PRKG1: variants seen among roughly 807,000 people sequenced by gnomAD.
PRKG1 encodes the protein protein kinase cGMP-dependent 1.
PRKG1 carries 35 observed loss-of-function variants against 88.1 expected under a neutral mutation model. The ratio of observed to expected loss-of-function variants is 0.40; its 90% CI spans 0.30 to 0.53. The LOEUF is 0.53. Among genes scored for constraint, PRKG1 ranks in the 20% least tolerant of loss-of-function variants. The probability of loss-of-function intolerance (pLI) is 0.59; values close to 1 mark genes in which losing one functional copy is unlikely to be tolerated. For synonymous variants in PRKG1, 303 were observed against 292.5 expected, an observed-to-expected ratio of 1.04 and a Z score of -0.37; for missense variants, 540 against 839.8, an observed-to-expected ratio of 0.64 and a Z score of 4.41.
intron 7 of PRKG1, among the ~76,000 whole-genome samples, chr10:52,132,041 C>T (rs1331491965): frequency 3.3e-5 from 5 of 151,490 alleles, no homozygotes; most frequent in African/African-American, 9.7e-5. Context: ...AGGAAAGTTA[C>T]TCATAAGAAA....
At chr10:51,587,303 G>A (rs1455470569) in intron 3 of PRKG1, among the ~76,000 whole-genome samples, 2 of 152,106 alleles carry the variant, frequency 1.3e-5, no homozygotes, top group Non-Finnish European at 2.9e-5. Context: ...TTCCTAAAGC[G>A]AAGCTGTAAT....
intron 1 of PRKG1, among the ~76,000 whole-genome samples, chr10:51,081,542 A>C (rs1844111244): frequency 6.6e-6 from 1 of 152,170 alleles, no homozygotes; most frequent in South Asian, 2.1e-4. Flanking sequence ...ATGCTCCTTA[A>C]TTTGACATCA....
intron 4 of PRKG1, among the ~76,000 whole-genome samples, chr10:51,890,549 A>C (rs1415583643): frequency 6.6e-6 from 1 of 152,254 alleles, no homozygotes; most frequent in Non-Finnish European, 1.5e-5. Flanking sequence ...TATGATAGTT[A>C]AAGAGATATA....
chr10:51,135,872 G>A (rs1199539690), intron 1 of PRKG1, among the ~76,000 whole-genome samples: 1 of 148,500 alleles, frequency 6.7e-6, no homozygotes, highest in Non-Finnish European at 1.5e-5. Flanking sequence ...GATAGATGAA[G>A]GTATCCTAAC....
intron 3 of PRKG1, among the ~76,000 whole-genome samples, chr10:51,477,372 G>A (rs543180840): frequency 6.6e-6 from 1 of 150,928 alleles, no homozygotes; most frequent in East Asian, 1.9e-4. Flanking sequence ...AATTATTCTC[G>A]ACTCTCATGG....
chr10:52,122,312 A>G (rs187914666), intron 7 of PRKG1, among the ~76,000 whole-genome samples: 28 of 152,298 alleles, frequency 1.8e-4, no homozygotes, highest in Admixed American at 5.2e-4. Context: ...AATTGACCTA[A>G]TTACCTCTTA....
intron 7 of PRKG1, among the ~76,000 whole-genome samples, chr10:52,078,727 T>A (rs1310014752): frequency 1.3e-5 from 2 of 152,248 alleles, no homozygotes; most frequent in Non-Finnish European, 1.5e-5. Flanking sequence ...TAAAGCAGAG[T>A]GAGTCATTAC....
chr10:51,562,122 G>A, intron 3 of PRKG1, among the ~76,000 whole-genome samples: 1 of 151,908 alleles, frequency 6.6e-6, no homozygotes, highest in East Asian at 1.9e-4. Flanking sequence ...TACTCAGGAG[G>A]CTGAGGCAGG....
At chr10:51,143,741 G>A (rs904853170) in intron 1 of PRKG1, among the ~76,000 whole-genome samples, 7 of 151,900 alleles carry the variant, frequency 4.6e-5, no homozygotes, top group Admixed American at 3.9e-4. Context: ...CATTTTTTAT[G>A]TACTCATTGG....
chr10:51,334,356 C>T (rs917410160), intron 2 of PRKG1, among the ~76,000 whole-genome samples: 2 of 151,968 alleles, frequency 1.3e-5, no homozygotes, highest in Admixed American at 1.3e-4. Flanking sequence ...GTTATCACAC[C>T]ATCTGAAATT....
At chr10:51,168,310 C>T (rs1239733098) in intron 2 of PRKG1, among the ~76,000 whole-genome samples, 1 of 152,102 alleles carries the variant, frequency 6.6e-6, no homozygotes, top group Admixed American at 6.6e-5. Flanking sequence ...GAGAATACAG[C>T]TGCCTTCTGT....
chr10:51,472,090 T>G (rs1840063562), intron 3 of PRKG1, among the ~76,000 whole-genome samples: 2 of 152,060 alleles, frequency 1.3e-5, no homozygotes, highest in African/African-American at 4.8e-5. Context: ...AAACTATTTT[T>G]CTGCCTTGGT....
chr10:51,947,577 A>G (rs969641461), intron 5 of PRKG1, among the ~76,000 whole-genome samples: 1 of 152,112 alleles, frequency 6.6e-6, no homozygotes, highest in Non-Finnish European at 1.5e-5. Context: ...GGAGCTGTAG[A>G]CGGGAGCTGT....
rs749205610 is a variant in PRKG1, at chr10:51,601,721, A to ATTTTTTTTTTTTTTT, written c.592+133919_592+133933dup. On this transcript the variant is annotated intron_variant, in intron 3 of 17. Transcript: ENST00000373980. ...TTTTAGAAATAAAGTGGCAGATTGA[A>ATTTTTTTTTTTTTTT]TTTTTTTTTTTTTTTTTTTTTTTTT... Among the ~76,000 whole-genome samples, 14 of 43,574 alleles carry ATTTTTTTTTTTTTTT rather than the reference A, an allele frequency of 3.2e-4. 1 individual carries two copies. Among genetic ancestry groups the ATTTTTTTTTTTTTTT allele is most frequent in the Non-Finnish European group, 5.0e-4 (11 of 22,068 alleles). The allele number at this position is 43,574 out of a possible 152,430, so 28.6% of individuals were successfully genotyped here.
chr10:51,918,962 T>G (rs1842403357), intron 5 of PRKG1, among the ~76,000 whole-genome samples: 1 of 152,188 alleles, frequency 6.6e-6, no homozygotes, highest in Non-Finnish European at 1.5e-5. Context: ...CCACTCGTGC[T>G]TACAAGTAAC....
intron 3 of PRKG1, among the ~76,000 whole-genome samples, chr10:51,622,470 G>C (rs1839232929): frequency 6.6e-6 from 1 of 152,178 alleles, no homozygotes; most frequent in Non-Finnish European, 1.5e-5. Flanking sequence ...CTCTTTGGCA[G>C]CTATTTGCGC....
At chr10:52,126,573 T>G (rs1847936140) in intron 7 of PRKG1, among the ~76,000 whole-genome samples, 1 of 152,152 alleles carries the variant, frequency 6.6e-6, no homozygotes, top group Non-Finnish European at 1.5e-5. Context: ...CTCAGACTCT[T>G]GGGCTCAAGT....
At chr10:51,181,725 G>A (rs1218815054) in intron 2 of PRKG1, among the ~76,000 whole-genome samples, 3 of 152,118 alleles carry the variant, frequency 2.0e-5, no homozygotes, top group African/African-American at 7.2e-5. Context: ...AAAAGAGATA[G>A]GTTCTATTAT....
rs191500430 is a variant in PRKG1, at chr10:51,899,216, A to T, written c.699-8291A>T. ...AGTGATTCTTCAACTTAGGTTGGTT[A>T]TATCTGTTAGTATTTACTGCATTTG... On this transcript the variant is annotated intron_variant, in intron 4 of 17. Coordinates refer to ENST00000373980, the MANE Select transcript of PRKG1 (RefSeq NM_006258.4). Among the ~76,000 whole-genome samples, 852 of 152,256 alleles carry T rather than the reference A, an allele frequency of 5.6e-3. 12 individuals carry two copies. Among genetic ancestry groups the T allele is most frequent in the African/African-American group, 0.02 (812 of 41,566 alleles).
Sources: allele counts gnomAD v4.1 joint callset (sites outside exome capture counted in the v4.1 genomes callset), GRCh38; gene constraint gnomAD v4.1.1; transcripts MANE v1.5; gene names NCBI Gene and HGNC (gene_info 2026-07-23, HGNC 2026-07-21).